The following CHM variants were observed in gnomAD, a reference collection of about 807,000 sequenced individuals.
CHM encodes the protein CHM Rab escort protein, also known as rab proteins geranylgeranyltransferase component A 1.
A neutral mutation model predicts 49.0 loss-of-function variants in CHM; 10 were observed. The observed-to-expected ratio is 0.20, with a 90% CI of 0.13 to 0.35. The LOEUF (loss-of-function observed/expected upper bound fraction) is 0.35, where lower values mean the gene tolerates loss of function less well. CHM is among the 10% of genes least tolerant of loss of function. The pLI is 1.00. For synonymous variants in CHM, 184 were observed against 167.5 expected (o/e 1.10, Z -0.76); for missense variants, 455 against 478.4 (o/e 0.95, Z 0.46).
intron 2 of CHM, among the ~76,000 whole-genome samples, chrX:85,987,764 G>C (rs1330230533): frequency 9.0e-6 from 1 of 111,551 alleles, no homozygotes; most frequent in African/African-American, 3.3e-5. Context: ...AAACATAAAA[G>C]AAATGGATAA....
chrX:86,036,129 C>T (rs1158488392), intron 1 of CHM, among the ~76,000 whole-genome samples: 1 of 110,758 alleles, frequency 9.0e-6, no homozygotes, highest in African/African-American at 3.3e-5. Context: ...TATTCTGAGC[C>T]AAATATAAGT....
intron 8 of CHM, among the ~76,000 whole-genome samples, chrX:85,939,011 C>T (rs765200180): frequency 3.6e-5 from 4 of 112,165 alleles, no homozygotes; most frequent in East Asian, 2.8e-4. Flanking sequence ...CCTATGCTTA[C>T]GTATGTTTAG....
intron 2 of CHM, among the ~76,000 whole-genome samples, chrX:86,005,477 C>T (rs1490874819): frequency 9.0e-6 from 1 of 111,370 alleles, no homozygotes; most frequent in Non-Finnish European, 1.9e-5. Flanking sequence ...AATCCAGGGG[C>T]TGGTTTTTTG....
chrX:86,047,348 G>C (rs1307275083), intron 1 of CHM, 136 bp downstream of exon 1: 2 of 581,918 alleles, frequency 3.4e-6, no homozygotes, highest in Non-Finnish European at 2.9e-6. Flanking sequence ...GCTGACTCCG[G>C]ACTACCTCAC....
At chrX:85,977,006 C>CTA (rs749983481) in intron 4 of CHM, among the ~76,000 whole-genome samples, 303 of 111,503 alleles carry the variant, frequency 2.7e-3, no homozygotes, top group African/African-American at 9.5e-3. Flanking sequence ...TAATGTAAAA[C>CTA]TTTGTGACAA....
At chrX:85,888,731 G>A (rs73504282) in intron 12 of CHM, among the ~76,000 whole-genome samples, 9 of 110,777 alleles carry the variant, frequency 8.1e-5, no homozygotes, top group Non-Finnish European at 1.3e-4. Flanking sequence ...AAACCTACAC[G>A]CTCTAGCAAA....
chrX:85,972,487 T>C (rs1930990392), intron 4 of CHM, among the ~76,000 whole-genome samples: 1 of 113,059 alleles, frequency 8.8e-6, no homozygotes, highest in African/African-American at 3.2e-5. Flanking sequence ...CGGGCTGCAG[T>C]CCCGAGGCCT....
chrX:85,979,112 C>G (rs1293293859), intron 3 of CHM, among the ~76,000 whole-genome samples: 1 of 112,094 alleles, frequency 8.9e-6, no homozygotes, highest in East Asian at 2.8e-4. Context: ...AAAACTAGAT[C>G]TGATTTACAG....
At chrX:85,972,167 A>G (rs1444061030) in intron 4 of CHM, among the ~76,000 whole-genome samples, 1 of 111,551 alleles carries the variant, frequency 9.0e-6, no homozygotes, top group African/African-American at 3.3e-5. Flanking sequence ...AGCTAGATAC[A>G]GAGTGTCGAT....
intron 14 of CHM, among the ~76,000 whole-genome samples, chrX:85,865,034 T>C (rs773701549): frequency 1.3e-4 from 14 of 111,794 alleles, no homozygotes; most frequent in Non-Finnish European, 2.6e-4. Context: ...TGAGGTCCAC[T>C]CTTCAAGGAT....
chrX:85,873,144 T>A lies in CHM; in HGVS notation c.1678A>T (p.Ile560Phe), dbSNP rs759127730. Reference sequence around the variant, plus strand: ...AAATCATTATAACAGCTCCTGCTGATGTCTGACGAATCTCTCATATTGAAG... The same window carrying A: ...AAATCATTATAACAGCTCCTGCTGAAGTCTGACGAATCTCTCATATTGAAG... ...LYFNMRDSSD[I>F]SRSCYNDLPS... The change falls in exon 14 of 15, where the codon ATC becomes TTC. Residue 560 changes from isoleucine (I) to phenylalanine (F), a missense_variant. Ile to Phe is a conservative substitution (Grantham distance 21). Coordinates refer to ENST00000357749, the MANE Select transcript of CHM (RefSeq NM_000390.4). 22 of 1,204,910 alleles carry A rather than the reference T, an allele frequency of 1.8e-5. No homozygotes were observed. In the Admixed American group the frequency reaches 3.1e-4, roughly 17 times the overall value.
chrX:86,014,576 G>A (rs913835006), intron 2 of CHM, among the ~76,000 whole-genome samples: 24 of 112,886 alleles, frequency 2.1e-4, no homozygotes, highest in African/African-American at 7.1e-4. Flanking sequence ...GACACTGCCA[G>A]GACCAGGCGA....
At chrX:86,023,507 C>T (rs1412579300) in intron 2 of CHM, among the ~76,000 whole-genome samples, 1 of 111,128 alleles carries the variant, frequency 9.0e-6, no homozygotes, top group Non-Finnish European at 1.9e-5. Context: ...TTAGTTGTCC[C>T]CCTATAGCAC....
intron 8 of CHM, among the ~76,000 whole-genome samples, chrX:85,911,913 A>T (rs761983128): frequency 9.0e-6 from 1 of 111,203 alleles, no homozygotes; most frequent in African/African-American, 3.3e-5. Flanking sequence ...TGCACACATA[A>T]GGAGAGGAGA....
intron 9 of CHM, among the ~76,000 whole-genome samples, chrX:85,910,230 A>G (rs1003006924): frequency 8.9e-6 from 1 of 111,832 alleles, no homozygotes; most frequent in African/African-American, 3.2e-5. Flanking sequence ...AGAAGTTAAT[A>G]GACATTGTAT....
intron 2 of CHM, among the ~76,000 whole-genome samples, chrX:86,018,327 G>A (rs1328764444): frequency 2.7e-5 from 3 of 111,675 alleles, no homozygotes; most frequent in Middle Eastern, 4.7e-3. Context: ...TTAAAATAAG[G>A]AGATATCACT....
At chrX:85,902,670 A>G (rs971959386) in intron 9 of CHM, among the ~76,000 whole-genome samples, 1 of 111,400 alleles carries the variant, frequency 9.0e-6, no homozygotes, top group Non-Finnish European at 1.9e-5. Context: ...TTTACATCTG[A>G]TATTCTCCAA....
chrX:85,904,678 A>T (rs1373896538), intron 9 of CHM, among the ~76,000 whole-genome samples: 4 of 111,856 alleles, frequency 3.6e-5, no homozygotes, highest in African/African-American at 1.3e-4. Context: ...GCTTTCTCAA[A>T]CACATTAGTT....
At chrX:85,956,493 AT>A in intron 7 of CHM, 115 bp from the exon 8 acceptor site, 1 of 1,016,237 alleles carries the variant, frequency 9.8e-7, no homozygotes, top group Non-Finnish European at 1.3e-6. Context: ...CATAGGTGGT[AT>A]TACATTTTGG....
Sources: allele counts gnomAD v4.1 joint callset (sites outside exome capture counted in the v4.1 genomes callset), GRCh38; gene constraint gnomAD v4.1.1; transcripts MANE v1.5; gene names NCBI Gene and HGNC (gene_info 2026-07-23, HGNC 2026-07-21).